GRIN2A: variants seen among roughly 807,000 people sequenced by gnomAD.
The protein encoded by GRIN2A is glutamate ionotropic receptor NMDA type subunit 2A.
A neutral mutation model predicts 113.4 loss-of-function variants in GRIN2A; 22 were observed. That is an observed-to-expected ratio of 0.19 (90% CI 0.14 to 0.28). GRIN2A has a LOEUF of 0.28. Ranked by LOEUF, GRIN2A falls within the 10% of genes least tolerant of loss-of-function variation. The probability of loss-of-function intolerance (pLI) is 1.00; values close to 1 mark genes in which losing one functional copy is unlikely to be tolerated. For synonymous variants in GRIN2A, 827 were observed against 738.4 expected, an observed-to-expected ratio of 1.12 and a Z score of -1.94; for missense variants, 1,502 against 1,887.0, an observed-to-expected ratio of 0.80 and a Z score of 3.78.
At chr16:9,820,417 T>G (rs2042260477) in intron 10 of GRIN2A, among the ~76,000 whole-genome samples, 1 of 152,238 alleles carries the variant, frequency 6.6e-6, no homozygotes, top group South Asian at 2.1e-4. Context: ...GACACAAATA[T>G]TCTATGGCTC....
chr16:9,954,578 G>A (rs1567198023), intron 2 of GRIN2A, among the ~76,000 whole-genome samples: 1 of 152,154 alleles, frequency 6.6e-6, no homozygotes, highest in East Asian at 1.9e-4. Flanking sequence ...CCTGCAGAAT[G>A]AGTCCTTTTC....
chr16:10,013,104 G>T (rs750781685), intron 2 of GRIN2A, among the ~76,000 whole-genome samples: 1 of 152,018 alleles, frequency 6.6e-6, no homozygotes, highest in Non-Finnish European at 1.5e-5. Flanking sequence ...CCAGTGACAC[G>T]TGTTTACCTA....
intron 12 of GRIN2A, among the ~76,000 whole-genome samples, chr16:9,766,989 T>C (rs1219423944): frequency 3.9e-5 from 6 of 152,216 alleles, no homozygotes; most frequent in Non-Finnish European, 8.8e-5. Context: ...GTGTTTTAGA[T>C]AGATAGAGGA....
At chr16:9,926,523 T>C (rs13334810) in intron 3 of GRIN2A, among the ~76,000 whole-genome samples, 41,557 of 152,110 alleles carry the variant, frequency 0.27, 6,052 homozygotes, top group African/African-American at 0.34. Context: ...AACTCAGGTA[T>C]GAAGATCTCT....
intron 10 of GRIN2A, among the ~76,000 whole-genome samples, chr16:9,818,921 A>G (rs2042232369): frequency 6.6e-6 from 1 of 152,240 alleles, no homozygotes; most frequent in African/African-American, 2.4e-5. Context: ...GATATTCACT[A>G]CAGCTTTGTT....
intron 2 of GRIN2A, among the ~76,000 whole-genome samples, chr16:10,025,784 G>C: frequency 6.6e-6 from 1 of 152,140 alleles, no homozygotes; most frequent in East Asian, 1.9e-4. Context: ...GGCAGGCTAG[G>C]GGATGCAAAA....
At chr16:10,093,224 A>C (rs1567293132) in intron 2 of GRIN2A, among the ~76,000 whole-genome samples, 1 of 152,226 alleles carries the variant, frequency 6.6e-6, no homozygotes, top group Non-Finnish European at 1.5e-5. Flanking sequence ...CGTATGTCAT[A>C]ATAACAGATG....
intron 2 of GRIN2A, among the ~76,000 whole-genome samples, chr16:9,973,016 T>C (rs929576646): frequency 9.9e-5 from 15 of 152,170 alleles, no homozygotes; most frequent in African/African-American, 3.6e-4. Context: ...AAAATTGTCC[T>C]CCTGCTGTGA....
chr16:9,976,172 C>T (rs1469564919), intron 2 of GRIN2A, among the ~76,000 whole-genome samples: 1 of 152,160 alleles, frequency 6.6e-6, no homozygotes, highest in African/African-American at 2.4e-5. Context: ...TGGGGAGCCT[C>T]GTGTCACTTA....
At chr16:9,930,864 A>G (rs776466804) in intron 3 of GRIN2A, among the ~76,000 whole-genome samples, 7 of 152,252 alleles carry the variant, frequency 4.6e-5, no homozygotes, top group African/African-American at 7.2e-5. Context: ...AGTAGTATCA[A>G]TGTAACTTAG....
intron 2 of GRIN2A, among the ~76,000 whole-genome samples, chr16:10,023,867 T>C (rs2046770272): frequency 6.6e-6 from 1 of 152,168 alleles, no homozygotes; most frequent in South Asian, 2.1e-4. Context: ...AGAGAAAACA[T>C]CCCAAAACAT....
chr16:9,925,548 C>T (rs2044447006), intron 3 of GRIN2A, among the ~76,000 whole-genome samples: 1 of 152,188 alleles, frequency 6.6e-6, no homozygotes, highest in African/African-American at 2.4e-5. Context: ...CTCTGCCATT[C>T]AGGGAGTCTG....
chr16:9,927,035 A>G (rs1344091271), intron 3 of GRIN2A, among the ~76,000 whole-genome samples: 1 of 151,972 alleles, frequency 6.6e-6, no homozygotes, highest in Non-Finnish European at 1.5e-5. Context: ...GCTCCATTTT[A>G]CATTACCTGT....
At chr16:10,102,040 T>G (rs952466661) in intron 2 of GRIN2A, among the ~76,000 whole-genome samples, 1 of 152,192 alleles carries the variant, frequency 6.6e-6, no homozygotes, top group African/African-American at 2.4e-5. Flanking sequence ...AGAGGGGTAT[T>G]TTTTACAGAA....
intron 2 of GRIN2A, among the ~76,000 whole-genome samples, chr16:10,113,707 T>C (rs2048671251): frequency 6.6e-6 from 1 of 152,234 alleles, no homozygotes; most frequent in African/African-American, 2.4e-5. Flanking sequence ...TATGTACTTG[T>C]ATAAATACAG....
At chr16:9,886,634 G>C (rs28576346) in intron 4 of GRIN2A, among the ~76,000 whole-genome samples, 1,570 of 152,208 alleles carry the variant, frequency 0.01, 27 homozygotes, top group African/African-American at 0.035. Flanking sequence ...TCTTGTTTAT[G>C]ATGGACTCCA....
chr16:10,132,520 G>A (rs2049087397), intron 2 of GRIN2A, among the ~76,000 whole-genome samples: 1 of 152,128 alleles, frequency 6.6e-6, no homozygotes, highest in South Asian at 2.1e-4. Flanking sequence ...GCTATGTCGT[G>A]ATGGCTTTCT....
In GRIN2A at chr16:10,081,196, G is replaced by A. The variant is rs141084706; in HGVS notation, c.414+98802C>T. 3.9e-3 allele frequency among the ~76,000 whole-genome samples: 594 copies of A among 152,298 alleles called. 5 individuals carry two copies. The highest frequency in any genetic ancestry group is 0.013 in the African/African-American group (530 of 41,560). The stretch of plus-strand genomic sequence containing the variant: ...ATGAGGCAACTGCACTCACTGCTAC[G>A]CCTTCCCACACTTATTCTAAGGGAC... On this transcript the variant is annotated intron_variant, in intron 2 of 12. Transcript: ENST00000330684.
At chr16:10,169,017 TA>T (rs2049984651) in intron 2 of GRIN2A, among the ~76,000 whole-genome samples, 4 of 145,836 alleles carry the variant, frequency 2.7e-5, no homozygotes, top group Non-Finnish European at 6.1e-5. Flanking sequence ...ATAATAATAA[TA>T]ATTTCACTCT....
Sources: gnomAD v4.1 joint callset for allele counts (sites outside exome capture counted in the v4.1 genomes callset) on GRCh38, gnomAD v4.1.1 for gene constraint, MANE v1.5 for transcripts, NCBI Gene and HGNC (gene_info 2026-07-23, HGNC 2026-07-21) for gene names.